The following PHF24 variants were observed in gnomAD, a reference collection of about 807,000 sequenced individuals.
The protein encoded by PHF24 is PHD finger protein 24, also known as Galpha inhibitory interacting protein.
PHF24 carries 25 observed loss-of-function variants against 42.6 expected under a neutral mutation model. That is an observed-to-expected ratio of 0.59 (90% CI 0.43 to 0.82). The LOEUF (loss-of-function observed/expected upper bound fraction) is 0.82, where lower values mean the gene tolerates loss of function less well. Among genes scored for constraint, PHF24 ranks in the 40% least tolerant of loss-of-function variants. The pLI is 0.00. For synonymous variants in PHF24, 185 were observed against 204.8 expected (o/e 0.90, Z 0.83); for missense variants, 470 against 538.1 (o/e 0.87, Z 1.25).
chr9:34,914,788 A>C, the PHF24 span, among the ~76,000 whole-genome samples: 13 of 148,154 alleles, frequency 8.8e-5, no homozygotes, highest in Admixed American at 6.0e-4. Flanking sequence ...CCTTTGTTTT[A>C]TTTTTCTTTT....
chr9:34,778,675 G>T, the PHF24 span, among the ~76,000 whole-genome samples: 6 of 151,692 alleles, frequency 4.0e-5, no homozygotes, highest in Non-Finnish European at 8.8e-5. Context: ...AACTGTTAAA[G>T]ACATCACCTA....
chr9:34,757,027 C>T, the PHF24 span, among the ~76,000 whole-genome samples: 1 of 152,142 alleles, frequency 6.6e-6, no homozygotes, highest in Non-Finnish European at 1.5e-5. Context: ...GCCTCAGCTT[C>T]CTGAGTAGCT....
chr9:34,845,120 A>AT, the PHF24 span, among the ~76,000 whole-genome samples: 1 of 152,142 alleles, frequency 6.6e-6, no homozygotes, highest in Non-Finnish European at 1.5e-5. Flanking sequence ...CTTAAAGTCT[A>AT]TTTTATCTGA....
At chr9:34,828,640 T>C in the PHF24 span, among the ~76,000 whole-genome samples, 1 of 152,256 alleles carries the variant, frequency 6.6e-6, no homozygotes, top group Non-Finnish European at 1.5e-5. Context: ...AGGATCTCTA[T>C]GTTTTTAAAT....
At chr9:34,751,852 T>C in the PHF24 span, among the ~76,000 whole-genome samples, 1 of 152,146 alleles carries the variant, frequency 6.6e-6, no homozygotes, top group African/African-American at 2.4e-5. Flanking sequence ...ATCAAGTATC[T>C]TCTCTGAGCA....
At chr9:34,791,582 TAAA>T in the PHF24 span, among the ~76,000 whole-genome samples, 7 of 143,970 alleles carry the variant, frequency 4.9e-5, no homozygotes, top group Non-Finnish European at 4.6e-5. Context: ...AATATAGATT[TAAA>T]AAAAAAAAAA....
At chr9:34,893,246 C>G in the PHF24 span, 1 of 439,186 alleles carries the variant, frequency 2.3e-6, no homozygotes, top group East Asian at 3.3e-5. Context: ...TTTCCCAGTC[C>G]TGAAAATCCT....
At chr9:34,779,319 G>T in the PHF24 span, among the ~76,000 whole-genome samples, 1 of 152,046 alleles carries the variant, frequency 6.6e-6, no homozygotes, top group African/African-American at 2.4e-5. Flanking sequence ...TCTTTGAAAT[G>T]ATTAAATTAG....
At chr9:34,719,290 C>T in the PHF24 span, among the ~76,000 whole-genome samples, 4 of 152,220 alleles carry the variant, frequency 2.6e-5, no homozygotes, top group East Asian at 1.9e-4. Context: ...CCACCCGCCT[C>T]GGCCTTCCAA....
At chr9:34,671,421 A>G in the PHF24 span, among the ~76,000 whole-genome samples, 1 of 152,218 alleles carries the variant, frequency 6.6e-6, no homozygotes, top group Non-Finnish European at 1.5e-5. Flanking sequence ...AAGGCTCAGG[A>G]AAGCTGCCCA....
At chr9:34,977,421 C>A in intron 6 of PHF24, 125 bp from the exon 7 acceptor site, 1 of 1,219,298 alleles carries the variant, frequency 8.2e-7, no homozygotes, top group Non-Finnish European at 1.2e-6. Flanking sequence ...CTGCCTTCAA[C>A]TCGGTGTTGC....
the PHF24 span, among the ~76,000 whole-genome samples, chr9:34,742,274 C>T: frequency 3.9e-5 from 6 of 152,140 alleles, no homozygotes; most frequent in African/African-American, 1.4e-4. Context: ...ATTAAAGTCT[C>T]CCAAAGAGGT....
the PHF24 span, among the ~76,000 whole-genome samples, chr9:34,856,029 A>G: frequency 2.0e-5 from 3 of 152,160 alleles, no homozygotes; most frequent in East Asian, 1.9e-4. Context: ...ATAGTCTTCA[A>G]ACTCTGAGAT....
the PHF24 span, among the ~76,000 whole-genome samples, chr9:34,865,428 G>A: frequency 6.6e-6 from 1 of 151,834 alleles, no homozygotes; most frequent in Non-Finnish European, 1.5e-5. Context: ...GCCAGGTGTG[G>A]TGGTGGGCAC....
At chr9:34,682,762 C>G in the PHF24 span, among the ~76,000 whole-genome samples, 1 of 152,118 alleles carries the variant, frequency 6.6e-6, no homozygotes, top group Non-Finnish European at 1.5e-5. Context: ...CTTTGCTAAT[C>G]ATAGGACTGT....
chr9:34,964,522 TG>T (rs1225777969), intron 1 of PHF24, among the ~76,000 whole-genome samples: 2 of 152,238 alleles, frequency 1.3e-5, no homozygotes, highest in African/African-American at 4.8e-5. Flanking sequence ...TACAGAGTGC[TG>T]GGAAATAGAG....
the PHF24 span, among the ~76,000 whole-genome samples, chr9:34,675,868 G>A: frequency 1.3e-5 from 2 of 152,136 alleles, no homozygotes; most frequent in East Asian, 1.9e-4. Context: ...GGGAGGGGAG[G>A]CTGCCTGAAG....
At chr9:34,739,635 A>G in the PHF24 span, among the ~76,000 whole-genome samples, 148,476 of 152,130 alleles carry the variant, frequency 0.98, 72,551 homozygotes, top group East Asian at 1. Flanking sequence ...TCGTGGTCTC[A>G]CTGGCTCAGG....
chr9:34,729,354 A>T, the PHF24 span: 1 of 1,551,864 alleles, frequency 6.4e-7, no homozygotes, highest in Non-Finnish European at 8.7e-7. Flanking sequence ...GATAATTACA[A>T]TAACGATGAA....
Sources: gnomAD v4.1 joint callset for allele counts (sites outside exome capture counted in the v4.1 genomes callset) on GRCh38, gnomAD v4.1.1 for gene constraint, MANE v1.5 for transcripts, NCBI Gene and HGNC (gene_info 2026-07-23, HGNC 2026-07-21) for gene names.